Variants in VPS8 observed in about 807,000 individuals in gnomAD.
VPS8 encodes the protein vacuolar protein sorting-associated protein 8 homolog.
A neutral mutation model predicts 216.4 loss-of-function variants in VPS8; 129 were observed. The ratio of observed to expected loss-of-function variants is 0.60; its 90% CI spans 0.52 to 0.69. The LOEUF is 0.69. Among genes scored for constraint, VPS8 ranks in the 30% least tolerant of loss-of-function variants. The probability of loss-of-function intolerance (pLI) is 0.00; values close to 1 mark genes in which losing one functional copy is unlikely to be tolerated. For missense variants in VPS8, 1,531 were observed against 1,683.5 expected (o/e 0.91, Z 1.59); for synonymous variants, 571 against 565.4 (o/e 1.01, Z -0.14).
At chr3:184,958,705 C>T (rs986853993) in intron 37 of VPS8, among the ~76,000 whole-genome samples, 1 of 152,134 alleles carries the variant, frequency 6.6e-6, no homozygotes. Context: ...TGTTCAAATA[C>T]TAGTTTGGAG....
At chr3:184,999,376 C>T (rs576400558) in intron 44 of VPS8, among the ~76,000 whole-genome samples, 19 of 152,230 alleles carry the variant, frequency 1.2e-4, no homozygotes, top group Admixed American at 1.2e-3. Flanking sequence ...GCCTTTTTTT[C>T]AGATTATCTA....
intron 45 of VPS8, among the ~76,000 whole-genome samples, chr3:185,019,598 C>A (rs991087775): frequency 1.3e-5 from 2 of 152,236 alleles, no homozygotes; most frequent in African/African-American, 2.4e-5. Context: ...AGGCACAGAT[C>A]GCTCATGCTA....
intron 21 of VPS8, among the ~76,000 whole-genome samples, chr3:184,880,549 T>G (rs1730094633): frequency 6.6e-6 from 1 of 152,208 alleles, no homozygotes; most frequent in Non-Finnish European, 1.5e-5. Context: ...AGCCACAGTT[T>G]GATTAACAAT....
intron 36 of VPS8, 29 bp downstream of exon 36, chr3:184,940,272 A>T (rs780901234): frequency 9.7e-6 from 7 of 723,960 alleles, no homozygotes; most frequent in Admixed American, 4.5e-5. Context: ...GTCTTTCATT[A>T]TATATATATA....
intron 42 of VPS8, among the ~76,000 whole-genome samples, chr3:184,992,511 C>G (rs1414094055): frequency 3.9e-5 from 6 of 152,018 alleles, no homozygotes; most frequent in Non-Finnish European, 7.4e-5. Flanking sequence ...AGTTTTGTGA[C>G]TTAGAGAAGT....
chr3:184,840,962 T>C (rs1274655321), intron 7 of VPS8, among the ~76,000 whole-genome samples: 3 of 152,188 alleles, frequency 2.0e-5, no homozygotes, highest in Non-Finnish European at 4.4e-5. Context: ...TTATTTTCTG[T>C]TGGTTTTGAA....
At chr3:184,976,855 A>G (rs1441323964) in intron 40 of VPS8, among the ~76,000 whole-genome samples, 1 of 152,176 alleles carries the variant, frequency 6.6e-6, no homozygotes, top group Admixed American at 6.5e-5. Flanking sequence ...TTCTTTATCC[A>G]GTCCACTGTT....
intron 16 of VPS8, 105 bp downstream of exon 16, chr3:184,863,172 T>C: frequency 7.3e-7 from 1 of 1,365,374 alleles, no homozygotes; most frequent in Non-Finnish European, 9.9e-7. Flanking sequence ...TACCTTTTTC[T>C]GTCTTGAGGT....
chr3:184,947,982 T>A (rs2109379751), intron 36 of VPS8, among the ~76,000 whole-genome samples: 1 of 152,210 alleles, frequency 6.6e-6, no homozygotes, highest in Non-Finnish European at 1.5e-5. Context: ...AACTAAAAAT[T>A]CAGGATTTAG....
intron 21 of VPS8, among the ~76,000 whole-genome samples, chr3:184,885,358 A>G (rs567678490): frequency 6.6e-6 from 1 of 152,228 alleles, no homozygotes; most frequent in Non-Finnish European, 1.5e-5. Context: ...GTTACTTGAC[A>G]ATTTCCAGTC....
intron 29 of VPS8, among the ~76,000 whole-genome samples, chr3:184,921,288 G>A (rs1328833433): frequency 6.6e-6 from 1 of 152,132 alleles, no homozygotes; most frequent in Non-Finnish European, 1.5e-5. Flanking sequence ...ATAAACTCAG[G>A]GACGCAGATT....
Position 184,922,934 on chromosome 3 carries a change from G to C in VPS8, c.2455-1928G>C, listed in dbSNP as rs376955927. Among the ~76,000 whole-genome samples, 6 of 150,182 alleles carry C rather than the reference G, an allele frequency of 4.0e-5. No homozygotes were observed. The South Asian group carries it at 1.2e-3, about 31-fold the overall frequency. On this transcript the variant is annotated intron_variant, in intron 29 of 47. Transcript: ENST00000625842. Reference sequence around the variant, plus strand: ...TAACCAATTAGACACTTGCTGAGTTGATGAGGGAATTCTCATATATATATA... The same window carrying C: ...TAACCAATTAGACACTTGCTGAGTTCATGAGGGAATTCTCATATATATATA...
At chr3:184,844,022 G>T (rs1722655789) in intron 8 of VPS8, among the ~76,000 whole-genome samples, 1 of 152,154 alleles carries the variant, frequency 6.6e-6, no homozygotes, top group African/African-American at 2.4e-5. Flanking sequence ...TTGGTTTGCT[G>T]GAGGTCAGGT....
intron 5 of VPS8, among the ~76,000 whole-genome samples, chr3:184,838,309 C>T (rs543767117): frequency 5.1e-4 from 77 of 152,216 alleles, no homozygotes; most frequent in African/African-American, 1.8e-3. Context: ...ATAGGAAAGT[C>T]CTACTTAGTA....
At chr3:184,956,332 A>G (rs766673342) in intron 36 of VPS8, among the ~76,000 whole-genome samples, 4 of 152,218 alleles carry the variant, frequency 2.6e-5, no homozygotes, top group Non-Finnish European at 5.9e-5. Flanking sequence ...GGACAACCAG[A>G]GTCCCTTGTG....
chr3:184,840,412 T>G (rs1721901623), intron 7 of VPS8: 2 of 152,122 alleles, frequency 1.3e-5, no homozygotes, highest in South Asian at 4.1e-4. Flanking sequence ...AACTGTTAGA[T>G]TTTTGTGGCC....
At position 184,860,764 on chromosome 3, in the gene VPS8, C is replaced by CG. The variant is rs1414033876; in HGVS notation, c.1224+701dup. Among the ~76,000 whole-genome samples, 7 of 151,156 alleles carry CG rather than the reference C, an allele frequency of 4.6e-5. No individual in the cohort carries two copies. In the East Asian group the frequency reaches 1.4e-3, roughly 29 times the overall value. ...GCTTGTGCAACCTCTTTTTTTCTTG[C>CG]GGCTAAAAACTTTGCAGAGCTCTCT... is the stretch of plus-strand genomic sequence containing the variant. On this transcript the variant is annotated intron_variant, in intron 15 of 47. Transcript: ENST00000625842.
At chr3:184,916,159 T>C (rs1223544517) in intron 28 of VPS8, among the ~76,000 whole-genome samples, 5 of 152,158 alleles carry the variant, frequency 3.3e-5, no homozygotes, top group Non-Finnish European at 7.3e-5. Flanking sequence ...GGAGTCGAAA[T>C]GGAACGCGGA....
At chr3:184,999,492 A>C (rs1350121230) in intron 44 of VPS8, among the ~76,000 whole-genome samples, 24 of 152,254 alleles carry the variant, frequency 1.6e-4, no homozygotes, top group Admixed American at 1.5e-3. Flanking sequence ...TCACAACATA[A>C]GTATACAAAT....
Sources: allele counts gnomAD v4.1 joint callset (sites outside exome capture counted in the v4.1 genomes callset), GRCh38; gene constraint gnomAD v4.1.1; transcripts MANE v1.5; gene names NCBI Gene and HGNC (gene_info 2026-07-23, HGNC 2026-07-21).